Variants in ITGA6 observed in about 807,000 individuals in gnomAD.
ITGA6 encodes the protein integrin alpha-6.
Under a neutral mutation model 133.6 loss-of-function variants are expected in ITGA6, and 63 were observed. The observed-to-expected ratio is 0.47, with a 90% confidence interval of 0.38 to 0.58. The LOEUF (loss-of-function observed/expected upper bound fraction) is 0.58. Ranked by LOEUF, ITGA6 falls within the 20% of genes least tolerant of loss-of-function variation. The pLI, the probability that ITGA6 is intolerant of heterozygous loss-of-function variation, is 0.00. For synonymous variants in ITGA6, 434 were observed against 482.0 expected (o/e 0.90, Z 1.30); for missense variants, 1,068 against 1,309.4 (o/e 0.82, Z 2.85).
At chr2:172,465,478 G>A in intron 1 of ITGA6, 61 bp from the exon 2 acceptor site, 1 of 1,591,160 alleles carries the variant, frequency 6.3e-7, no homozygotes, top group Non-Finnish European at 8.6e-7. Context: ...AGTTCTGACT[G>A]ATTTAACTGT....
rs1018290650 is a variant in ITGA6 at position 172,484,921 on chromosome 2, G to A, written c.1689G>A (p.Met563Ile). Residue 563 changes from methionine (M) to isoleucine (I), a missense_variant, in exon 12 of 26, where the codon ATG (methionine) becomes ATA (isoleucine). Physicochemically the swap from Met to Ile is conservative, Grantham distance 10. Around this residue, in one of 3 missense-constraint regions of ITGA6, gnomAD observed 609 missense variants for 707.2 expected, o/e 0.86. Coordinates refer to ENST00000684293, the MANE Select transcript of ITGA6 (RefSeq NM_000210.4). ...AGAGGCAGAAACAGAAAGTGTGCAT[G>A]GAGGAAACCCTGTGGCTACAGGTGA... ...TLKRQKQKVC[M>I]EETLWLQDNI... 1 of 1,614,166 alleles carries A rather than the reference G, an allele frequency of 6.2e-7. No homozygotes were observed. Among genetic ancestry groups the A allele is most frequent in the Admixed American group, 1.7e-5 (1 of 60,034 alleles).
At chr2:172,488,978 G>T (rs1686806735) in intron 19 of ITGA6, among the ~76,000 whole-genome samples, 1 of 152,148 alleles carries the variant, frequency 6.6e-6, no homozygotes, top group Admixed American at 6.5e-5. Context: ...TCTGCCGCAG[G>T]ACGTCACTCT....
At position 172,501,919 on chromosome 2, in the gene ITGA6, T is replaced by C. The variant is rs1010152076; in HGVS notation, c.*22+18T>C. On this transcript the variant is annotated intron_variant, in intron 25 of 25. Coordinates refer to ENST00000684293, the MANE Select transcript of ITGA6 (RefSeq NM_000210.4). ...TGTAATTGGTAATTGATCAATGTTT[T>C]TTAATTGCTAGCTGTGGGACCCGCT... 1.2e-5 allele frequency: 19 copies of C among 1,605,838 alleles called. No homozygotes were observed. The highest frequency in any genetic ancestry group is 1.5e-5 in the Non-Finnish European group (18 of 1,177,172).
At chr2:172,496,102 A>AT (rs1687116068) in intron 23 of ITGA6, among the ~76,000 whole-genome samples, 1 of 152,194 alleles carries the variant, frequency 6.6e-6, no homozygotes, top group Admixed American at 6.5e-5. Context: ...GAAATCATCT[A>AT]TTTGGTTTGT....
Position 172,443,350 on chromosome 2 carries a change from C to G in ITGA6, c.182+15380C>G, listed in dbSNP as rs75467561. On this transcript the variant is annotated intron_variant, in intron 1 of 25. Coordinates refer to ENST00000684293, the MANE Select transcript of ITGA6 (RefSeq NM_000210.4). Reference sequence around the variant, plus strand: ...TCTGGGTATTCAGATAATTTCTAATCCTTCGCCGTTAAAAGCAGTGCTGCA... The same window carrying G: ...TCTGGGTATTCAGATAATTTCTAATGCTTCGCCGTTAAAAGCAGTGCTGCA... Among the ~76,000 whole-genome samples, 343 of 152,298 alleles carry G rather than the reference C, an allele frequency of 2.3e-3. 10 individuals carry two copies. The East Asian group carries it at 0.052, about 23-fold the overall frequency.
At chr2:172,483,620 T>TA (rs1319421261) in intron 11 of ITGA6, among the ~76,000 whole-genome samples, 3 of 151,772 alleles carry the variant, frequency 2.0e-5, no homozygotes, top group East Asian at 1.9e-4. Context: ...CGTTCTGAAG[T>TA]AAAAAAATGA....
At chr2:172,450,320 G>C (rs1452134844) in intron 1 of ITGA6, among the ~76,000 whole-genome samples, 1 of 152,202 alleles carries the variant, frequency 6.6e-6, no homozygotes, top group African/African-American at 2.4e-5. Flanking sequence ...GGTGGAACAA[G>C]AGTAGAAGCA....
intron 13 of ITGA6, 149 bp from the exon 14 acceptor site, chr2:172,486,874 A>T: frequency 1.5e-6 from 1 of 679,672 alleles, no homozygotes; most frequent in Non-Finnish European, 2.7e-6. Flanking sequence ...TGGAAATTTG[A>T]TGTGTGGCAA....
chr2:172,466,472 T>A (rs1351243628), intron 2 of ITGA6, among the ~76,000 whole-genome samples: 1 of 151,974 alleles, frequency 6.6e-6, no homozygotes, highest in African/African-American at 2.4e-5. Flanking sequence ...ATACAAAAAT[T>A]AGCCAGGCGT....
chr2:172,503,419 G>A (rs1360550014), intron 25 of ITGA6: 1 of 152,178 alleles, frequency 6.6e-6, no homozygotes, highest in Non-Finnish European at 1.5e-5. Context: ...GAAATTCAGT[G>A]TAGTGATGCA....
intron 1 of ITGA6, chr2:172,465,128 T>C: frequency 3.7e-6 from 1 of 272,924 alleles, no homozygotes; most frequent in South Asian, 4.0e-5. Flanking sequence ...TTATTGCTTA[T>C]TACATTTAGT....
chr2:172,437,782 T>A (rs1684384941), intron 1 of ITGA6, among the ~76,000 whole-genome samples: 1 of 148,378 alleles, frequency 6.7e-6, no homozygotes. Flanking sequence ...AGCCCTATGG[T>A]GTTCTTACAC....
chr2:172,487,649 T>G lies in ITGA6; in HGVS notation c.2244+19T>G, dbSNP rs183625717. On this transcript the variant is annotated intron_variant, in intron 16 of 25. Transcript: ENST00000684293. The stretch of plus-strand genomic sequence containing the variant: ...TTCAAATGTAGGTGATGCCTTCATA[T>G]ACTGTATTTTACTGTTTTAAATACC... 1.8e-4 allele frequency: 286 copies of G among 1,603,516 alleles called. 1 individual carries two copies. In the African/African-American group the frequency reaches 3.2e-3, roughly 18 times the overall value.
chr2:172,470,573 T>C (rs945773709), intron 4 of ITGA6, among the ~76,000 whole-genome samples: 3 of 152,138 alleles, frequency 2.0e-5, no homozygotes, highest in Non-Finnish European at 4.4e-5. Flanking sequence ...AAAGAAAAGA[T>C]CAATATGTCT....
At chr2:172,441,403 A>G (rs3762620) in intron 1 of ITGA6, among the ~76,000 whole-genome samples, 3 of 151,722 alleles carry the variant, frequency 2.0e-5, no homozygotes, top group African/African-American at 7.3e-5. Flanking sequence ...TTTAAAATAA[A>G]TCTAAACTCA....
intron 10 of ITGA6, 119 bp from the exon 11 acceptor site, chr2:172,479,871 T>C: frequency 9.1e-7 from 1 of 1,101,594 alleles, no homozygotes; most frequent in Admixed American, 1.7e-5. Context: ...CTGTCAAGTG[T>C]TTTTATAACA....
intron 24 of ITGA6, among the ~76,000 whole-genome samples, chr2:172,500,807 T>G (rs1346733277): frequency 6.6e-6 from 1 of 152,204 alleles, no homozygotes; most frequent in Non-Finnish European, 1.5e-5. Context: ...TAGTCATGTG[T>G]GGCGGTTAGG....
At position 172,457,848 on chromosome 2, in the gene ITGA6, T is replaced by C. The variant is rs554173280; in HGVS notation, c.183-7691T>C. ...AGATGGCAAACTAGGTATATGGTTT[T>C]GCTTCCTGGCTCCTCAAGGCTCCCT... is the stretch of plus-strand genomic sequence containing the variant. On this transcript the variant is annotated intron_variant, in intron 1 of 25. Transcript: ENST00000684293. Among the ~76,000 whole-genome samples, 486 of 152,322 alleles carry C rather than the reference T, an allele frequency of 3.2e-3. 2 individuals carry two copies. The highest frequency in any genetic ancestry group is 5.6e-3 in the Non-Finnish European group (380 of 68,032).
intron 1 of ITGA6, among the ~76,000 whole-genome samples, chr2:172,460,555 A>G (rs149264647): frequency 5.1e-4 from 77 of 152,358 alleles, no homozygotes; most frequent in Admixed American, 1.3e-3. Context: ...ATAATAATCC[A>G]GAATTATGGA....
Sources: allele counts gnomAD v4.1 joint callset (sites outside exome capture counted in the v4.1 genomes callset), GRCh38; gene constraint gnomAD v4.1.1; regional missense constraint gnomAD v4.1.1; transcripts MANE v1.5; gene names NCBI Gene and HGNC (gene_info 2026-07-23, HGNC 2026-07-21).